Variants in FOXP1 observed in about 807,000 individuals in gnomAD.
FOXP1 encodes forkhead box P1.
A neutral mutation model predicts 98.2 loss-of-function variants in FOXP1; 15 were observed. The ratio of observed to expected loss-of-function variants is 0.15; its 90% confidence interval spans 0.10 to 0.24. The LOEUF (loss-of-function observed/expected upper bound fraction) is 0.24, where lower values mean the gene tolerates loss of function less well. FOXP1 is among the 10% of genes least tolerant of loss of function. The probability of loss-of-function intolerance (pLI) is 1.00; values close to 1 mark genes in which losing one functional copy is unlikely to be tolerated. For synonymous variants in FOXP1, 371 were observed against 314.5 expected (o/e 1.18, Z -1.90); for missense variants, 633 against 848.5 (o/e 0.75, Z 3.15).
intron 2 of FOXP1, among the ~76,000 whole-genome samples, chr3:71,511,406 C>T (rs1158663552): frequency 6.6e-6 from 1 of 152,052 alleles, no homozygotes; most frequent in Admixed American, 6.6e-5. Flanking sequence ...GCTAAATTTC[C>T]TCCATTGGGG....
chr3:70,984,201 C>T (rs2107444805), intron 14 of FOXP1, among the ~76,000 whole-genome samples: 1 of 152,320 alleles, frequency 6.6e-6, no homozygotes, highest in South Asian at 2.1e-4. Flanking sequence ...ACGCAGGGTC[C>T]AGTCTTTATA....
chr3:71,294,093 T>G (rs2073037358), intron 5 of FOXP1, among the ~76,000 whole-genome samples: 1 of 152,194 alleles, frequency 6.6e-6, no homozygotes, highest in Non-Finnish European at 1.5e-5. Flanking sequence ...GTATATTTGT[T>G]GTTATCAGGG....
chr3:70,979,316 A>AAAAAAAAG (rs1553670621), intron 14 of FOXP1, among the ~76,000 whole-genome samples: 53 of 96,420 alleles, frequency 5.5e-4, no homozygotes, highest in East Asian at 2.2e-3. Context: ...AAAAAAAAAA[A>AAAAAAAAG]AAAAGAAAAA....
At chr3:71,474,199 G>A (rs1007131635) in intron 3 of FOXP1, among the ~76,000 whole-genome samples, 1 of 151,950 alleles carries the variant, frequency 6.6e-6, no homozygotes, top group African/African-American at 2.4e-5. Context: ...TCTCTCTGTG[G>A]CTTAAGCATA....
At chr3:71,400,841 T>C (rs868680345) in intron 3 of FOXP1, among the ~76,000 whole-genome samples, 2 of 152,178 alleles carry the variant, frequency 1.3e-5, no homozygotes, top group Non-Finnish European at 2.9e-5. Flanking sequence ...TGCAATTTTT[T>C]TGAGGAAGAA....
intron 5 of FOXP1, among the ~76,000 whole-genome samples, chr3:71,228,934 G>A (rs548811321): frequency 8.6e-5 from 13 of 151,336 alleles, no homozygotes; most frequent in Middle Eastern, 3.4e-3. Flanking sequence ...TGCTCTAAGA[G>A]GGTTTCCTAG....
intron 3 of FOXP1, among the ~76,000 whole-genome samples, chr3:71,370,763 C>G (rs138040514): frequency 6.6e-6 from 1 of 150,812 alleles, no homozygotes; most frequent in African/African-American, 2.4e-5. Context: ...GTTACAAGCA[C>G]ATTGCTAGGT....
At chr3:71,213,394 C>T (rs946772550) in intron 5 of FOXP1, among the ~76,000 whole-genome samples, 5 of 152,242 alleles carry the variant, frequency 3.3e-5, no homozygotes, top group Non-Finnish European at 7.3e-5. Context: ...TTAAGCTACC[C>T]TTCAAGACCA....
chr3:71,385,793 T>C (rs1461037192), intron 3 of FOXP1, among the ~76,000 whole-genome samples: 1 of 152,142 alleles, frequency 6.6e-6, no homozygotes, highest in Non-Finnish European at 1.5e-5. Flanking sequence ...GTGGTCTCCT[T>C]CTCCAGCCAC....
intron 7 of FOXP1, among the ~76,000 whole-genome samples, chr3:71,099,518 GCAAAACAAAA>G (rs745686792): frequency 3.3e-5 from 5 of 151,980 alleles, no homozygotes; most frequent in Admixed American, 6.5e-5. Context: ...TCTCAACAAA[GCAAAACAAAA>G]CAAAACAAAA....
intron 3 of FOXP1, among the ~76,000 whole-genome samples, chr3:71,475,914 A>C (rs1020538305): frequency 6.6e-6 from 1 of 152,108 alleles, no homozygotes; most frequent in African/African-American, 2.4e-5. Context: ...AAAAAAAAAA[A>C]AAAAACCTCT....
intron 6 of FOXP1, among the ~76,000 whole-genome samples, chr3:71,134,307 G>A (rs2059713971): frequency 6.6e-6 from 1 of 152,014 alleles, no homozygotes; most frequent in Non-Finnish European, 1.5e-5. Flanking sequence ...GGCTCCCCAG[G>A]GCCCTCTCTT....
In FOXP1 at chr3:71,183,537, T is replaced by C. The variant is rs189449844; in HGVS notation, c.180+14665A>G. Among the ~76,000 whole-genome samples the C allele has an allele frequency of 1.5e-3, 228 of 152,206 alleles. 1 individual carries two copies. Among genetic ancestry groups the C allele is most frequent in the Non-Finnish European group, 2.6e-3 (175 of 68,008 alleles). On this transcript the variant is annotated intron_variant, in intron 6 of 20. Transcript: ENST00000649528. ...AACAAAAAAAACCCAAAAGCTAATGTTTGCAGACAATTTACCATGTGGTGT... is the reference window on the plus strand; with the variant it reads ...AACAAAAAAAACCCAAAAGCTAATGCTTGCAGACAATTTACCATGTGGTGT...
At chr3:71,435,118 A>T (rs919236022) in intron 3 of FOXP1, among the ~76,000 whole-genome samples, 21 of 148,134 alleles carry the variant, frequency 1.4e-4, no homozygotes, top group Non-Finnish European at 2.8e-4. Context: ...ACTTCAAGAC[A>T]AAAGGGAAGG....
chr3:71,540,297 T>C (rs1234503018), intron 2 of FOXP1, among the ~76,000 whole-genome samples: 1 of 152,224 alleles, frequency 6.6e-6, no homozygotes, highest in Non-Finnish European at 1.5e-5. Context: ...CAAACAGCAC[T>C]GGTCCGCCAG....
chr3:71,555,091 T>C (rs2046034820), intron 2 of FOXP1, among the ~76,000 whole-genome samples: 1 of 152,200 alleles, frequency 6.6e-6, no homozygotes, highest in African/African-American at 2.4e-5. Flanking sequence ...TACCAAATGA[T>C]AAAAATAAAT....
chr3:71,531,679 G>C (rs1265556170), intron 2 of FOXP1, among the ~76,000 whole-genome samples: 1 of 152,174 alleles, frequency 6.6e-6, no homozygotes, highest in Non-Finnish European at 1.5e-5. Context: ...GGAGAGGAAT[G>C]ATTTATCATT....
intron 7 of FOXP1, among the ~76,000 whole-genome samples, chr3:71,091,919 G>A (rs1253280727): frequency 6.6e-6 from 1 of 152,272 alleles, no homozygotes; most frequent in South Asian, 2.1e-4. Flanking sequence ...TGAGTGCCAT[G>A]ACTCACGCCT....
At position 71,277,779 on chromosome 3, in the gene FOXP1, TAA is replaced by T. The variant is rs34566349; in HGVS notation, c.-12+22039_-12+22040del. ...CCTTCATAGAGGTATTTTCCCTAGTTAAAAAAAAAAATGGTGTTGGAGTATTT... is the reference window on the plus strand; with the variant it reads ...CCTTCATAGAGGTATTTTCCCTAGTTAAAAAAAAATGGTGTTGGAGTATTT... On this transcript the variant is annotated intron_variant, in intron 5 of 20. Transcript: ENST00000649528. Among the ~76,000 whole-genome samples, 715 of 150,084 alleles carry T rather than the reference TAA, an allele frequency of 4.8e-3. 5 individuals carry two copies. The highest frequency in any genetic ancestry group is 0.017 in the African/African-American group (676 of 40,892).
Sources: allele counts gnomAD v4.1 joint callset (sites outside exome capture counted in the v4.1 genomes callset), GRCh38; gene constraint gnomAD v4.1.1; transcripts MANE v1.5; gene names NCBI Gene and HGNC (gene_info 2026-07-23, HGNC 2026-07-21).